ZBBX: variants seen among roughly 807,000 people sequenced by gnomAD.
The protein encoded by ZBBX is zinc finger B-box domain containing.
A neutral mutation model predicts 108.5 loss-of-function variants in ZBBX; 101 were observed. The observed-to-expected ratio is 0.93, with a 90% CI of 0.79 to 1.10. The LOEUF is 1.10. Ranked by LOEUF, ZBBX falls within the 50% of genes least tolerant of loss-of-function variation. The probability of loss-of-function intolerance (pLI) is 0.00; values close to 1 mark genes in which losing one functional copy is unlikely to be tolerated. For synonymous variants in ZBBX, 356 were observed against 323.4 expected, an observed-to-expected ratio of 1.10 and a Z score of -1.08; for missense variants, 1,009 against 941.4, an observed-to-expected ratio of 1.07 and a Z score of -0.94.
chr3:167,248,528 G>C (rs1721993101), intron 20 of ZBBX: 1 of 415,934 alleles, frequency 2.4e-6, no homozygotes, highest in Admixed American at 2.5e-5. Flanking sequence ...CAGAGTAATG[G>C]CCCCTGCTGA....
intron 1 of ZBBX, among the ~76,000 whole-genome samples, chr3:167,404,409 G>T (rs1368673593): frequency 1.3e-5 from 2 of 152,104 alleles, no homozygotes; most frequent in African/African-American, 4.8e-5. Flanking sequence ...GTTTGCTCTA[G>T]GTCCCATTGC....
the ZBBX span, among the ~76,000 whole-genome samples, chr3:167,214,798 C>T: frequency 1.3e-5 from 2 of 151,980 alleles, no homozygotes; most frequent in Non-Finnish European, 2.9e-5. Context: ...CAATCTCAGA[C>T]CAGTGCAATA....
At chr3:167,358,318 A>G (rs1337323598) in intron 8 of ZBBX, among the ~76,000 whole-genome samples, 4 of 152,054 alleles carry the variant, frequency 2.6e-5, no homozygotes, top group East Asian at 3.9e-4. Context: ...TATATGAGGT[A>G]GAGTAGTCAA....
At chr3:167,270,732 G>C (rs1372474400) in intron 20 of ZBBX, among the ~76,000 whole-genome samples, 1 of 152,180 alleles carries the variant, frequency 6.6e-6, no homozygotes, top group Non-Finnish European at 1.5e-5. Flanking sequence ...CGAAGTTAGA[G>C]CAATACTAAA....
the ZBBX span, among the ~76,000 whole-genome samples, chr3:167,217,443 T>C: frequency 6.6e-6 from 1 of 151,928 alleles, no homozygotes; most frequent in African/African-American, 2.4e-5. Flanking sequence ...TCAGAATGTC[T>C]ATTGCTAAAA....
chr3:167,323,097 T>C (rs1191508998), intron 11 of ZBBX, among the ~76,000 whole-genome samples: 1 of 151,936 alleles, frequency 6.6e-6, no homozygotes, highest in Non-Finnish European at 1.5e-5. Flanking sequence ...TGGAAAAAGT[T>C]TGGGAAAACA....
At chr3:167,276,793 CA>C (rs1239680830) in intron 20 of ZBBX, among the ~76,000 whole-genome samples, 2 of 152,048 alleles carry the variant, frequency 1.3e-5, no homozygotes, top group African/African-American at 2.4e-5. Flanking sequence ...ACATAATTGT[CA>C]GATTCACCAA....
intron 20 of ZBBX, among the ~76,000 whole-genome samples, chr3:167,248,194 C>T (rs534465812): frequency 4.4e-4 from 67 of 152,254 alleles, no homozygotes; most frequent in African/African-American, 1.5e-3. Flanking sequence ...ATGCCAGCAG[C>T]AGGCAAAGGC....
the ZBBX span, among the ~76,000 whole-genome samples, chr3:167,222,834 C>T: frequency 1.8e-4 from 25 of 139,744 alleles, no homozygotes; most frequent in East Asian, 5.6e-4. Context: ...AGATTGGTAA[C>T]GGGTACCAAC....
chr3:167,316,397 C>T (rs146352762), intron 14 of ZBBX, among the ~76,000 whole-genome samples: 2,491 of 152,192 alleles, frequency 0.016, 71 homozygotes, highest in African/African-American at 0.057. Context: ...GGACAAGTGG[C>T]ACATTCAGCT....
chr3:167,310,961 C>T lies in ZBBX; in HGVS notation c.1417+3013G>A, dbSNP rs543790065. ...TCATTGCAATCCCAATCAAAATCCCCGCCTTTTTATAGAGAAACAAATGAC... is the reference window on the plus strand; with the variant it reads ...TCATTGCAATCCCAATCAAAATCCCTGCCTTTTTATAGAGAAACAAATGAC... On this transcript the variant is annotated intron_variant, in intron 16 of 21. Coordinates refer to ENST00000675490, the MANE Select transcript of ZBBX (RefSeq NM_001199201.2). 1.9e-4 allele frequency among the ~76,000 whole-genome samples: 29 copies of T among 152,198 alleles called. No homozygotes were observed. The South Asian group carries it at 2.5e-3, about 13-fold the overall frequency.
rs1011108523 is a variant in ZBBX, at chr3:167,288,729, C to T, written c.1996+138G>A. 3.1e-5 allele frequency: 14 copies of T among 447,268 alleles called. 1 individual carries two copies. Among genetic ancestry groups the T allele is most frequent in the Non-Finnish European group, 1.6e-5 (4 of 254,540 alleles). The allele number at this position is 447,268 out of a possible 1,614,324, so 27.7% of individuals were successfully genotyped here. On this transcript the variant is annotated intron_variant, in intron 19 of 21. Transcript: ENST00000675490. ...TTGGTTTTGGAAGAAAAGTCGAGGACATTTAGTTAAAATGAATGAATTTAA... is the reference window on the plus strand; with the variant it reads ...TTGGTTTTGGAAGAAAAGTCGAGGATATTTAGTTAAAATGAATGAATTTAA...
At chr3:167,300,784 A>T (rs2108197666) in intron 17 of ZBBX, among the ~76,000 whole-genome samples, 1 of 151,666 alleles carries the variant, frequency 6.6e-6, no homozygotes, top group East Asian at 1.9e-4. Context: ...CGCCCAGCTA[A>T]TTTTTGTATT....
Position 167,299,108 on chromosome 3 carries a change from G to T in ZBBX, c.1726-650C>A, listed in dbSNP as rs543305367. On this transcript the variant is annotated intron_variant, in intron 17 of 21. Transcript: ENST00000675490. ...TTATTCTAGGATTGAATATAACTGGGATTTTAAAAAATGTGAATCCAGTAG... is the reference window on the plus strand; with the variant it reads ...TTATTCTAGGATTGAATATAACTGGTATTTTAAAAAATGTGAATCCAGTAG... Among the ~76,000 whole-genome samples, 3 of 152,010 alleles carry T rather than the reference G, an allele frequency of 2.0e-5. No individual in the cohort carries two copies. The South Asian group carries it at 6.2e-4, about 32-fold the overall frequency.
At chr3:167,268,979 A>G (rs552503906) in intron 20 of ZBBX, among the ~76,000 whole-genome samples, 1 of 152,274 alleles carries the variant, frequency 6.6e-6, no homozygotes, top group South Asian at 2.1e-4. Flanking sequence ...CAACGTTGCA[A>G]AGTCCTGGAG....
intron 17 of ZBBX, among the ~76,000 whole-genome samples, chr3:167,305,419 A>G (rs1005167959): frequency 3.3e-5 from 5 of 152,106 alleles, no homozygotes; most frequent in African/African-American, 1.2e-4. Context: ...ATCATTTATC[A>G]CAGAAAGCCA....
At chr3:167,313,518 G>A (rs1734946410) in intron 16 of ZBBX, among the ~76,000 whole-genome samples, 1 of 151,962 alleles carries the variant, frequency 6.6e-6, no homozygotes. Flanking sequence ...CCTGACTTCA[G>A]GTGATCCACC....
At chr3:167,277,803 T>A (rs1378225275) in intron 20 of ZBBX, among the ~76,000 whole-genome samples, 2 of 152,208 alleles carry the variant, frequency 1.3e-5, no homozygotes, top group Admixed American at 6.5e-5. Context: ...TACATTTTTT[T>A]CAGCACCACA....
At chr3:167,277,202 C>A (rs1297764789) in intron 20 of ZBBX, among the ~76,000 whole-genome samples, 2 of 151,420 alleles carry the variant, frequency 1.3e-5, no homozygotes, top group African/African-American at 4.9e-5. Flanking sequence ...AGCAAAATAA[C>A]CAGCCAACAT....
Sources: gnomAD v4.1 joint callset for allele counts (sites outside exome capture counted in the v4.1 genomes callset) on GRCh38, gnomAD v4.1.1 for gene constraint, MANE v1.5 for transcripts, NCBI Gene and HGNC (gene_info 2026-07-23, HGNC 2026-07-21) for gene names.